Variants in SMYD5 observed in about 807,000 individuals in gnomAD.
SMYD5 encodes protein-lysine N-trimethyltransferase SMYD5.
In SMYD5, 35 loss-of-function variants were observed where a neutral mutation model predicts 57.4. That is an observed-to-expected ratio of 0.61 (90% CI 0.47 to 0.81). The LOEUF (loss-of-function observed/expected upper bound fraction) is 0.81, where lower values mean the gene tolerates loss of function less well. SMYD5 is among the 30% of genes least tolerant of loss of function. The pLI is 0.00. For missense variants in SMYD5, 471 were observed against 527.9 expected (o/e 0.89, Z 1.06); for synonymous variants, 198 against 189.7 (o/e 1.04, Z -0.36).
Position 73,222,795 on chromosome 2 carries a change from T to C in SMYD5, c.683T>C (p.Leu228Pro), listed in dbSNP as rs1265221959. Residue 228 changes from leucine (L) to proline (P), a missense_variant, in exon 7 of 13, where the codon CTC becomes CCC. Coordinates refer to ENST00000389501, the MANE Select transcript of SMYD5 (RefSeq NM_006062.3). Reference protein sequence around the residue: ...ELLRRLFTEALYEEAVSQWFT... With the variant: ...ELLRRLFTEAPYEEAVSQWFT... ...CTGCGGAGACTCTTCACAGAGGCCC[T>C]CTATGAGGAAGCAGTCAGCCAGGTG... The C allele has an allele frequency of 6.2e-7, 1 of 1,613,870 alleles. No homozygotes were observed. The highest frequency in any genetic ancestry group is 1.1e-5 in the South Asian group (1 of 91,026).
At chr2:73,218,323 T>C (rs530984883) in intron 1 of SMYD5, among the ~76,000 whole-genome samples, 1 of 152,338 alleles carries the variant, frequency 6.6e-6, no homozygotes, top group African/African-American at 2.4e-5. Flanking sequence ...CACCAAGGAC[T>C]TGTTGGATGC....
intron 1 of SMYD5, among the ~76,000 whole-genome samples, chr2:73,217,005 G>A (rs1484160898): frequency 1.3e-5 from 2 of 150,594 alleles, no homozygotes; most frequent in African/African-American, 2.5e-5. Flanking sequence ...AGGCTATAGT[G>A]CAGTAGTACA....
At chr2:73,224,623 C>G (rs1686463955) in intron 10 of SMYD5, among the ~76,000 whole-genome samples, 1 of 152,152 alleles carries the variant, frequency 6.6e-6, no homozygotes, top group African/African-American at 2.4e-5. Context: ...ACAGTGGGAA[C>G]ACGACTGAGA....
rs1339349955 is a variant in SMYD5, at chr2:73,224,200, A to G, written c.940+197A>G. On this transcript the variant is annotated intron_variant, in intron 10 of 12. Transcript: ENST00000389501. ...ATCATTTTTTTCATTTGTTCATCCAACTGTTTGTGCTATAATACCTGCTTA... is the reference window on the plus strand; with the variant it reads ...ATCATTTTTTTCATTTGTTCATCCAGCTGTTTGTGCTATAATACCTGCTTA... 2.6e-5 allele frequency among the ~76,000 whole-genome samples: 4 copies of G among 152,038 alleles called. No homozygotes were observed. The South Asian group carries it at 6.2e-4, about 24-fold the overall frequency.
chr2:73,225,361 G>T (rs1314297518), intron 11 of SMYD5: 1 of 559,644 alleles, frequency 1.8e-6, no homozygotes, highest in Non-Finnish European at 3.2e-6. Flanking sequence ...TCTGATCCCA[G>T]CTGCAGACCT....
intron 7 of SMYD5, 86 bp from the exon 8 acceptor site, chr2:73,222,950 T>C: frequency 6.7e-7 from 1 of 1,492,024 alleles, no homozygotes; most frequent in South Asian, 1.1e-5. Context: ...TGAGCCTGAC[T>C]CACAGAAGGC....
At chr2:73,221,126 G>A in intron 4 of SMYD5, 39 bp from the exon 5 acceptor site, 1 of 1,573,168 alleles carries the variant, frequency 6.4e-7, no homozygotes, top group Non-Finnish European at 8.8e-7. Flanking sequence ...AGCTACTAGG[G>A]AGAGAATTTC....
In SMYD5 at chr2:73,218,976, A is replaced by C. The variant is rs779428369; in HGVS notation, c.205+7A>C. ...GCACTTTATCGCTACCGAGGTGAGT[A>C]CATCTCTCCTACTCCTCATGGCCCA... On this transcript the variant is annotated splice_region_variant and intron_variant, in intron 2 of 12. Transcript: ENST00000389501. The C allele has an allele frequency of 1.2e-5, 19 of 1,589,378 alleles. No individual in the cohort carries two copies. Among genetic ancestry groups the C allele is most frequent in the Non-Finnish European group, 1.6e-5 (19 of 1,157,226 alleles).
At chr2:73,220,027 G>C in intron 2 of SMYD5, 24 bp from the exon 3 acceptor site, 1 of 1,614,140 alleles carries the variant, frequency 6.2e-7, no homozygotes, top group Non-Finnish European at 8.5e-7. Context: ...TCAAGATATT[G>C]TTGTGTCTGG....
intron 5 of SMYD5, 90 bp downstream of exon 5, chr2:73,221,324 G>C: frequency 9.4e-7 from 1 of 1,061,822 alleles, no homozygotes; most frequent in Admixed American, 1.8e-5. Context: ...GCCCTAGCTT[G>C]GATGCAGAGT....
chr2:73,226,074 T>TACCCTCTAGCAG lies in SMYD5; in HGVS notation c.*129_*130insCCCTCTAGCAGA. On this transcript the variant is annotated 3_prime_UTR_variant, in exon 13 of 13. Transcript: ENST00000389501. ...CTTTCCCCATTCCAGCCCTCTCTGC[T>TACCCTCTAGCAG]AGAGGGTAGGAGAGAGCCTGGATCT... 7.8e-7 allele frequency: 1 copy of TACCCTCTAGCAG among 1,289,318 alleles called. No homozygotes were observed. Among genetic ancestry groups the TACCCTCTAGCAG allele is most frequent in the Non-Finnish European group, 1.0e-6 (1 of 955,512 alleles). 79.9% of individuals were successfully genotyped at this position (1,289,318 alleles called of 1,614,324 possible). A position where few individuals can be genotyped will look rare whatever the true frequency, so the allele number is the denominator to read the frequency against.
intron 1 of SMYD5, among the ~76,000 whole-genome samples, chr2:73,216,159 C>G (rs940944260): frequency 2.6e-5 from 4 of 152,176 alleles, no homozygotes; most frequent in Non-Finnish European, 5.9e-5. Context: ...GAAACCTCAC[C>G]AGGTCCAGTG....
In SMYD5 at chr2:73,226,291, C is replaced by A. The variant is rs1032420441; in HGVS notation, c.*345C>A. 7.3e-6 allele frequency: 2 copies of A among 275,144 alleles called. No homozygotes were observed. Among genetic ancestry groups the A allele is most frequent in the Non-Finnish European group, 1.4e-5 (2 of 145,782 alleles). The allele number at this position is 275,144 out of a possible 1,614,324, so 17.0% of individuals were successfully genotyped here. ...TCGGCCCCACGGCCCATACTCACCC[C>A]TTCACCTGAGGCTTCTCCCCTCTCA... On this transcript the variant is annotated 3_prime_UTR_variant, in exon 13 of 13. Transcript: ENST00000389501.
chr2:73,225,921 T>G lies in SMYD5; in HGVS notation c.1232T>G (p.Leu411Arg). The change falls in exon 13 of 13, where the codon CTG (leucine) becomes CGG (arginine). Residue 411 changes from leucine to arginine, a missense_variant. Physicochemically the swap from Leu to Arg is moderately radical, Grantham distance 102. Transcript: ENST00000389501. Reference protein sequence around the residue: ...EEEGEPEDAELGDEMTDV With the variant: ...EEEGEPEDAERGDEMTDV ...GAAGGAGAGCCAGAAGATGCAGAGC[T>G]GGGGGATGAGATGACTGATGTGTGA... The G allele has an allele frequency of 6.2e-7, 1 of 1,613,980 alleles. No individual in the cohort carries two copies. The highest frequency in any genetic ancestry group is 8.5e-7 in the Non-Finnish European group (1 of 1,179,886).
At chr2:73,224,727 A>G (rs111903710) in intron 10 of SMYD5, 139 bp from the exon 11 acceptor site, 2 of 623,924 alleles carry the variant, frequency 3.2e-6, no homozygotes, top group Non-Finnish European at 5.7e-6. Flanking sequence ...CACTGGATGC[A>G]GAGTCCAGAA....
chr2:73,222,936 C>A, intron 7 of SMYD5, 100 bp from the exon 8 acceptor site: 1 of 1,479,912 alleles, frequency 6.8e-7, no homozygotes, highest in Non-Finnish European at 9.5e-7. Flanking sequence ...TTCTGGAGTT[C>A]AGATGAGCCT....
At position 73,223,517 on chromosome 2, in the gene SMYD5, A is replaced by G; in HGVS notation, c.868A>G (p.Lys290Glu). 6.2e-7 allele frequency: 1 copy of G among 1,613,046 alleles called. No homozygotes were observed. The change falls in exon 9 of 13, where the codon AAG becomes GAG. Residue 290 changes from lysine (K) to glutamate (E), a missense_variant. Lys to Glu is a moderately conservative substitution (Grantham distance 56, BLOSUM62 1). Transcript: ENST00000389501. ...TGACGCCTTCATTGACCAGCTATAC[A>G]AGGACATCGAGGCAGGTTGGTGAGA... ...QLDAFIDQLY[K>E]DIEAATGEFL... is the part of the protein sequence containing the mutation.
chr2:73,219,190 G>A (rs1686340745), intron 2 of SMYD5, among the ~76,000 whole-genome samples: 1 of 152,112 alleles, frequency 6.6e-6, no homozygotes, highest in African/African-American at 2.4e-5. Context: ...CCCTGAGGGA[G>A]CACAGCAGGA....
At chr2:73,225,310 G>T in intron 11 of SMYD5, 1 of 503,690 alleles carries the variant, frequency 2.0e-6, no homozygotes, top group Non-Finnish European at 3.5e-6. Flanking sequence ...CACAGTGCCT[G>T]GTTGAATCTT....
Sources: gnomAD v4.1 joint callset for allele counts (sites outside exome capture counted in the v4.1 genomes callset) on GRCh38, gnomAD v4.1.1 for gene constraint, MANE v1.5 for transcripts, NCBI Gene and HGNC (gene_info 2026-07-23, HGNC 2026-07-21) for gene names.